SEC16A: variants seen among roughly 807,000 people sequenced by gnomAD.
The protein encoded by SEC16A is protein transport protein Sec16A.
In SEC16A, 110 loss-of-function variants were observed where a neutral mutation model predicts 221.9. The ratio of observed to expected loss-of-function variants is 0.50; its 90% confidence interval spans 0.42 to 0.58. The LOEUF is 0.58. Ranked by LOEUF, SEC16A falls within the 20% of genes least tolerant of loss-of-function variation. The pLI is 0.00. For missense variants in SEC16A, 3,165 were observed against 3,097.8 expected, an observed-to-expected ratio of 1.02 and a Z score of -0.52; for synonymous variants, 1,393 against 1,257.7, an observed-to-expected ratio of 1.11 and a Z score of -2.28.
In SEC16A at chr9:136,476,442, C is replaced by A; in HGVS notation, c.1174G>T (p.Ala392Ser). ...AAGTCCGCTTGACCAGATAAGCCTG[C>A]TTTTTCAGATGAGAGATTCTCCTCA... ...ENEENLSSEK[A>S]GLSGQADFDD... Residue 392 changes from alanine (A) to serine (S), a missense_variant, in exon 3 of 32, where the codon GCA (alanine) becomes TCA (serine). By Grantham distance (99) the Ala-to-Ser change is moderately conservative. Around this residue, in one of 3 missense-constraint regions of SEC16A, gnomAD observed 2,030 missense variants for 1,923.1 expected, o/e 1.06. Coordinates refer to ENST00000684901, the MANE Select transcript of SEC16A (RefSeq NM_014866.2). 6.2e-7 allele frequency: 1 copy of A among 1,613,106 alleles called. No individual in the cohort carries two copies. The highest frequency in any genetic ancestry group is 1.1e-5 in the South Asian group (1 of 91,068).
chr9:136,468,587 T>C, intron 4 of SEC16A, 75 bp from the exon 5 acceptor site: 1 of 964,328 alleles, frequency 1.0e-6, no homozygotes, highest in East Asian at 2.5e-5. Context: ...ATACAAATCA[T>C]TCCCAAAGCA....
chr9:136,463,232 C>T (rs773215935), intron 11 of SEC16A, 100 bp from the exon 12 acceptor site: 2 of 1,482,312 alleles, frequency 1.3e-6, no homozygotes, highest in Non-Finnish European at 1.8e-6. Flanking sequence ...CACAGCCAGA[C>T]CCACAACTAC....
chr9:136,441,923 C>A (rs1359165990), intron 31 of SEC16A, 100 bp from the exon 32 acceptor site: 12 of 1,017,196 alleles, frequency 1.2e-5, no homozygotes. Context: ...ATGAACCACA[C>A]GGGCCATTGG....
Position 136,475,816 on chromosome 9 carries a change from T to C in SEC16A, c.1800A>G (p.Thr600=), listed in dbSNP as rs773924258. 2.5e-6 allele frequency: 4 copies of C among 1,582,694 alleles called. No individual in the cohort carries two copies. The highest frequency in any genetic ancestry group is 1.3e-5 in the African/African-American group (1 of 74,400). Reference sequence around the variant, plus strand: ...TATTTGCACTTGTCTGAAATATTCCTGTAGGTTTCGGGGGGCTCGGGGTTG... The same window carrying C: ...TATTTGCACTTGTCTGAAATATTCCCGTAGGTTTCGGGGGGCTCGGGGTTG... ...QPSTPSPPKP[T]GIFQTSANSS... Residue 600 remains threonine (T), a synonymous_variant, in exon 3 of 32, where the codon ACA becomes ACG. Transcript: ENST00000684901. The surrounding 1 kb of genome is among the most constrained non-coding windows in gnomAD (Gnocchi z 5.0).
chr9:136,462,860 G>A (rs1237623297), intron 12 of SEC16A, 27 bp downstream of exon 12: 11 of 1,594,606 alleles, frequency 6.9e-6, no homozygotes, highest in South Asian at 2.2e-5. Context: ...ATGTGCAGGC[G>A]CCAGGTGCCA....
chr9:136,464,072 G>A (rs990252139), intron 9 of SEC16A, among the ~76,000 whole-genome samples: 7 of 152,114 alleles, frequency 4.6e-5, no homozygotes, highest in Non-Finnish European at 8.8e-5. Context: ...CGCCGTGCAC[G>A]TCCACCCCAC....
chr9:136,452,225 GATC>G (rs1457515190), intron 22 of SEC16A, among the ~76,000 whole-genome samples: 1 of 151,528 alleles, frequency 6.6e-6, no homozygotes, highest in East Asian at 1.9e-4. Flanking sequence ...GAGGCAGGTG[GATC>G]ATGAGGTCAG....
intron 18 of SEC16A, 27 bp downstream of exon 18, chr9:136,457,417 C>T (rs139966063): frequency 4.4e-5 from 70 of 1,580,554 alleles, no homozygotes; most frequent in Non-Finnish European, 5.9e-5. Context: ...AGCACAGCAT[C>T]CCGAGGACAG....
Position 136,461,179 on chromosome 9 carries a change from G to C in SEC16A, c.4989C>G (p.Thr1663=), listed in dbSNP as rs374542596. 9 of 1,602,210 alleles carry C rather than the reference G, an allele frequency of 5.6e-6. No individual in the cohort carries two copies. The African/African-American group carries it at 1.2e-4, about 21-fold the overall frequency. Residue 1663 remains threonine (T), a splice_region_variant and synonymous_variant, in exon 13 of 32, where the codon ACC becomes ACG. Coordinates refer to ENST00000684901, the MANE Select transcript of SEC16A (RefSeq NM_014866.2). The part of the protein sequence containing the change: ...MDSRTHARVM[T]RFANSLPIND... ...ACCAGGCCACTGTGGGACTGTACCT[G>C]GTCATGACTCGGGCGTGTGTCCGGC...
rs1055697833 is a variant in SEC16A at position 136,469,178 on chromosome 9, T to C, written c.3705-666A>G. On this transcript the variant is annotated intron_variant, in intron 4 of 31. Transcript: ENST00000684901. The stretch of plus-strand genomic sequence containing the variant: ...CTGAGCCATTCAAACCAACCTAAAA[T>C]GCCAGTTTCACAGCCTCGACCCCAG... Among the ~76,000 whole-genome samples, 7 of 152,250 alleles carry C rather than the reference T, an allele frequency of 4.6e-5. No homozygotes were observed. The South Asian group carries it at 1.2e-3, about 27-fold the overall frequency.
chr9:136,445,173 A>G, intron 29 of SEC16A, 62 bp from the exon 30 acceptor site: 1 of 1,398,354 alleles, frequency 7.2e-7, no homozygotes, highest in Non-Finnish European at 9.9e-7. Context: ...GTCACTGTCC[A>G]ATCCAAGCTG....
Position 136,476,368 on chromosome 9 carries a change from T to C in SEC16A, c.1248A>G (p.Thr416=), listed in dbSNP as rs537839808. 1.6e-5 allele frequency: 26 copies of C among 1,612,738 alleles called. No homozygotes were observed. The highest frequency in any genetic ancestry group is 1.7e-4 in the Middle Eastern group (1 of 6,060). ...SPGLGRPPAP[T]HVGAGSLCQA... ...GGCAGAGGCTGCCTGCCCCCACGTG[T>C]GTAGGTGCGGGCGGACGGCCTAGCC... Residue 416 remains threonine (T), a synonymous_variant, in exon 3 of 32, where the codon ACA becomes ACG. Coordinates refer to ENST00000684901, the MANE Select transcript of SEC16A (RefSeq NM_014866.2).
At chr9:136,473,493 G>A (rs59966630) in intron 3 of SEC16A, among the ~76,000 whole-genome samples, 3,547 of 152,358 alleles carry the variant, frequency 0.023, 178 homozygotes, top group African/African-American at 0.08. Context: ...GAGCACAGCC[G>A]GTCCCCGAGC....
rs58831516 is a variant in SEC16A, at chr9:136,457,591, C to T, written c.5410-7G>A. On this transcript the variant is annotated splice_polypyrimidine_tract_variant and splice_region_variant and intron_variant, in intron 17 of 31. Coordinates refer to ENST00000684901, the MANE Select transcript of SEC16A (RefSeq NM_014866.2). ...AGTAGATGAACTTAAACACCTGAAA[C>T]GACAGAAGCCTTGCTGCCCTGCGGC... 2.2e-3 allele frequency: 3,465 copies of T among 1,606,292 alleles called. 81 individuals are homozygous for T. The African/African-American group carries it at 0.041, about 19-fold the overall frequency.
intron 22 of SEC16A, among the ~76,000 whole-genome samples, chr9:136,452,757 CTA>C (rs1205496179): frequency 2.1e-5 from 2 of 95,280 alleles, no homozygotes; most frequent in Non-Finnish European, 3.9e-5. Flanking sequence ...CAGAGCGAAA[CTA>C]TGTCTTAGGG....
At chr9:136,464,065 C>T (rs978203360) in intron 9 of SEC16A, among the ~76,000 whole-genome samples, 10 of 152,202 alleles carry the variant, frequency 6.6e-5, no homozygotes, top group Non-Finnish European at 1.0e-4. Context: ...TCGGCAGCGC[C>T]GTGCACGTCC....
At chr9:136,450,225 A>T (rs1414454048) in intron 23 of SEC16A, among the ~76,000 whole-genome samples, 1 of 152,176 alleles carries the variant, frequency 6.6e-6, no homozygotes. Context: ...ACAAACAAAC[A>T]AACAAAAAAC....
chr9:136,465,849 A>C, intron 8 of SEC16A, 113 bp downstream of exon 8: 1 of 1,108,010 alleles, frequency 9.0e-7, no homozygotes, highest in South Asian at 1.6e-5. Context: ...GGTCAGAGCC[A>C]GGCCAGGACA....
At chr9:136,468,123 G>C (rs1325906700) in intron 5 of SEC16A, among the ~76,000 whole-genome samples, 2 of 152,204 alleles carry the variant, frequency 1.3e-5, no homozygotes, top group Non-Finnish European at 2.9e-5. Context: ...AGCAGCTCTC[G>C]AACTGCTAGT....
Sources: gnomAD v4.1 joint callset for allele counts (sites outside exome capture counted in the v4.1 genomes callset) on GRCh38, gnomAD v4.1.1 for gene constraint, gnomAD v4.1.1 regional missense constraint, Gnocchi (gnomAD v3.1) non-coding constraint, MANE v1.5 for transcripts, NCBI Gene and HGNC (gene_info 2026-07-23, HGNC 2026-07-21) for gene names.